SRGAP2B: variants seen among roughly 807,000 people sequenced by gnomAD.
SRGAP2B encodes the protein SLIT-ROBO Rho GTPase activating protein 2B.
Under a neutral mutation model 22.2 loss-of-function variants are expected in SRGAP2B, and 9 were observed. That is an observed-to-expected ratio of 0.41 (90% CI 0.24 to 0.71). SRGAP2B has a LOEUF of 0.71. SRGAP2B is among the 30% of genes least tolerant of loss of function. The pLI, the probability that SRGAP2B is intolerant of heterozygous loss-of-function variation, is 0.35. For synonymous variants in SRGAP2B, 36 were observed against 87.4 expected (o/e 0.41, Z 3.28); for missense variants, 114 against 235.8 (o/e 0.48, Z 3.38).
intron 3 of SRGAP2B, among the ~76,000 whole-genome samples, chr1:144,983,240 G>A (rs1363499017): frequency 1.6e-5 from 2 of 122,012 alleles, no homozygotes; most frequent in African/African-American, 3.7e-5. Context: ...CATTTTCCAT[G>A]GCCAACTGAC....
intron 4 of SRGAP2B, among the ~76,000 whole-genome samples, chr1:144,921,269 C>CAAAAA (rs3975927): frequency 8.0e-5 from 5 of 62,314 alleles, no homozygotes; most frequent in Non-Finnish European, 1.1e-4. Context: ...TCTAGCTTGC[C>CAAAAA]AAAAAAAAAA....
chr1:144,990,655 G>A (rs1670109680), intron 3 of SRGAP2B, among the ~76,000 whole-genome samples: 1 of 148,558 alleles, frequency 6.7e-6, no homozygotes, highest in African/African-American at 2.6e-5. Context: ...GGAGGGAGAG[G>A]CACGAGCGGG....
intron 2 of SRGAP2B, among the ~76,000 whole-genome samples, chr1:145,015,568 G>A (rs1412984621): frequency 6.7e-6 from 1 of 149,150 alleles, no homozygotes; most frequent in East Asian, 2.0e-4. Flanking sequence ...AGACGATGCT[G>A]TAGGAGTATA....
chr1:145,081,615 G>A (rs1345980925), intron 2 of SRGAP2B, among the ~76,000 whole-genome samples: 2 of 148,018 alleles, frequency 1.4e-5, no homozygotes, highest in Non-Finnish European at 3.0e-5. Flanking sequence ...TTCCCAAAGA[G>A]CAGCTTACTC....
Position 144,964,899 on chromosome 1 carries a change from A to G in SRGAP2B, c.261-9298T>C, listed in dbSNP as rs1287014301. On this transcript the variant is annotated intron_variant, in intron 3 of 9. Transcript: ENST00000612199. ...GTGCCTGTAAATGACCAGCCTGGGT[A>G]ACATAGGACCTGTCTCTTAAAAAAT... 1.6e-5 allele frequency: 10 copies of G among 633,014 alleles called. No individual in the cohort carries two copies. The African/African-American group carries it at 1.7e-4, about 11-fold the overall frequency. 39.2% of individuals were successfully genotyped at this position (633,014 alleles called of 1,614,324 possible). A position where few individuals can be genotyped will look rare whatever the true frequency, so the allele number is the denominator to read the frequency against.
intron 2 of SRGAP2B, among the ~76,000 whole-genome samples, chr1:145,088,420 C>T (rs1553635782): frequency 7.4e-6 from 1 of 134,872 alleles, no homozygotes; most frequent in East Asian, 2.1e-4. Context: ...GCTTCCAGCT[C>T]TGTGGTGCAC....
chr1:144,939,566 G>A (rs1227774472), intron 4 of SRGAP2B, among the ~76,000 whole-genome samples: 1 of 143,112 alleles, frequency 7.0e-6, no homozygotes, highest in Non-Finnish European at 1.5e-5. Context: ...AGCTTGCTCT[G>A]CAGGCCTTTT....
At chr1:144,965,790 C>A (rs1441071949) in intron 3 of SRGAP2B, among the ~76,000 whole-genome samples, 1 of 141,430 alleles carries the variant, frequency 7.1e-6, no homozygotes, top group Non-Finnish European at 1.5e-5. Flanking sequence ...CAGAGAAGTG[C>A]TTAAAGGAGC....
chr1:145,081,271 G>GT, intron 2 of SRGAP2B, among the ~76,000 whole-genome samples: 1 of 149,048 alleles, frequency 6.7e-6, no homozygotes, highest in Middle Eastern at 3.5e-3. Flanking sequence ...GTTCATATAT[G>GT]TAAAGCACCT....
chr1:145,041,063 T>C (rs1455204244), intron 2 of SRGAP2B, among the ~76,000 whole-genome samples: 4 of 104,646 alleles, frequency 3.8e-5, no homozygotes, highest in Non-Finnish European at 5.3e-5. Context: ...ATTTGTTGCA[T>C]GTATATATAT....
chr1:144,943,441 A>G (rs1666222434), intron 4 of SRGAP2B, among the ~76,000 whole-genome samples: 1 of 151,742 alleles, frequency 6.6e-6, no homozygotes, highest in Non-Finnish European at 1.5e-5. Flanking sequence ...TTTATATCAT[A>G]TTTTTGCTTT....
chr1:145,007,802 CTTTTTTTT>C (rs880001624), intron 2 of SRGAP2B, among the ~76,000 whole-genome samples: 1 of 101,204 alleles, frequency 9.9e-6, no homozygotes, highest in African/African-American at 4.4e-5. Flanking sequence ...ATTTCTTCTT[CTTTTTTTT>C]TTTTTTTTTT....
intron 4 of SRGAP2B, among the ~76,000 whole-genome samples, chr1:144,951,923 T>G (rs1666904345): frequency 6.8e-6 from 1 of 147,494 alleles, no homozygotes; most frequent in African/African-American, 2.6e-5. Context: ...TATCAGCACC[T>G]GAAATAATCC....
At chr1:144,939,286 T>C (rs2982867) in intron 4 of SRGAP2B, among the ~76,000 whole-genome samples, 12 of 148,200 alleles carry the variant, frequency 8.1e-5, no homozygotes, top group South Asian at 6.3e-4. Context: ...TATGGAAATC[T>C]TCAAAAGATA....
rs1468613444 is a variant in SRGAP2B, at chr1:144,957,885, G to C, written c.261-2284C>G. Among the ~76,000 whole-genome samples, 8 of 148,330 alleles carry C rather than the reference G, an allele frequency of 5.4e-5. 1 individual carries two copies. The highest frequency in any genetic ancestry group is 2.1e-4 in the African/African-American group (8 of 38,462). Reference sequence around the variant, plus strand: ...CTTTTTAAAGGGGCAGATCTCATGAGACTTTACATTGACAATTGGTTTCAA... The same window carrying C: ...CTTTTTAAAGGGGCAGATCTCATGACACTTTACATTGACAATTGGTTTCAA... On this transcript the variant is annotated intron_variant, in intron 3 of 9. Coordinates refer to ENST00000612199, the Ensembl canonical transcript of SRGAP2B.
chr1:144,962,011 AAAGACAGACG>A (rs1360913608), intron 3 of SRGAP2B, among the ~76,000 whole-genome samples: 1 of 88,994 alleles, frequency 1.1e-5, no homozygotes, highest in Admixed American at 1.3e-4. Context: ...GGTATCTTTC[AAAGACAGACG>A]GGCAGGCAGG....
chr1:144,964,642 C>T (rs1390825994), intron 3 of SRGAP2B, among the ~76,000 whole-genome samples: 1 of 151,178 alleles, frequency 6.6e-6, no homozygotes, highest in Non-Finnish European at 1.5e-5. Context: ...CTGTGGAAAG[C>T]GCCTTGAACT....
intron 4 of SRGAP2B, among the ~76,000 whole-genome samples, chr1:144,916,109 G>A (rs1322830831): frequency 4.7e-5 from 7 of 150,234 alleles, no homozygotes; most frequent in South Asian, 2.1e-4. Context: ...AGTAATGTAT[G>A]TTTATTATAA....
At chr1:144,921,269 CAAAAAAAAAAAAAA>C (rs3975927) in intron 4 of SRGAP2B, among the ~76,000 whole-genome samples, 4 of 62,310 alleles carry the variant, frequency 6.4e-5, no homozygotes, top group African/African-American at 1.3e-4. Flanking sequence ...TCTAGCTTGC[CAAAAAAAAAAAAAA>C]AAAAAAAAAA....
Sources: allele counts gnomAD v4.1 joint callset (sites outside exome capture counted in the v4.1 genomes callset), GRCh38; gene constraint gnomAD v4.1.1; transcripts MANE v1.5; gene names NCBI Gene and HGNC (gene_info 2026-07-23, HGNC 2026-07-21).